CCSER1: variants seen among roughly 807,000 people sequenced by gnomAD.
The protein encoded by CCSER1 is coiled-coil serine rich protein 1.
A neutral mutation model predicts 82.0 loss-of-function variants in CCSER1; 41 were observed. The ratio of observed to expected loss-of-function variants is 0.50; its 90% CI spans 0.39 to 0.65. The LOEUF is 0.65. Among genes scored for constraint, CCSER1 ranks in the 30% least tolerant of loss-of-function variants. CCSER1 has a pLI of 0.00. For missense variants in CCSER1, 1,119 were observed against 1,064.2 expected (o/e 1.05, Z -0.72); for synonymous variants, 414 against 383.9 (o/e 1.08, Z -0.92).
intron 10 of CCSER1, among the ~76,000 whole-genome samples, chr4:91,136,144 C>T (rs1387706601): frequency 1.3e-5 from 2 of 152,252 alleles, no homozygotes; most frequent in Middle Eastern, 3.4e-3. Flanking sequence ...GTCCCTGAAC[C>T]TTCCAGTCCA....
intron 10 of CCSER1, among the ~76,000 whole-genome samples, chr4:91,327,858 C>T (rs7340864): frequency 0.77 from 116,524 of 152,092 alleles, 45,115 homozygotes; most frequent in East Asian, 0.88. Context: ...TTCTCTCAAT[C>T]TCAAAGTTCC....
At chr4:90,538,713 G>C (rs982438509) in intron 5 of CCSER1, among the ~76,000 whole-genome samples, 22 of 151,916 alleles carry the variant, frequency 1.4e-4, no homozygotes, top group African/African-American at 2.4e-5. Flanking sequence ...TTATTTGCTT[G>C]TTCTGTAATT....
At chr4:91,234,718 T>G (rs1008676617) in intron 10 of CCSER1, among the ~76,000 whole-genome samples, 1 of 152,146 alleles carries the variant, frequency 6.6e-6, no homozygotes, top group African/African-American at 2.4e-5. Context: ...AAATCTAATC[T>G]TTCTTCTACT....
chr4:91,489,357 T>C (rs562993497), intron 10 of CCSER1, among the ~76,000 whole-genome samples: 37 of 152,308 alleles, frequency 2.4e-4, no homozygotes, highest in Non-Finnish European at 4.3e-4. Flanking sequence ...GACAGTTCTT[T>C]TTTTGTTTCT....
intron 10 of CCSER1, among the ~76,000 whole-genome samples, chr4:91,592,736 A>C (rs2110343567): frequency 6.6e-6 from 1 of 152,130 alleles, no homozygotes; most frequent in South Asian, 2.1e-4. Flanking sequence ...TTATTTTTCT[A>C]AGTATAATAC....
At chr4:90,988,431 A>C (rs899444492) in intron 9 of CCSER1, among the ~76,000 whole-genome samples, 8 of 145,878 alleles carry the variant, frequency 5.5e-5, no homozygotes, top group African/African-American at 1.7e-4. Context: ...CATAATGTTG[A>C]TTTTTTTGTT....
chr4:90,533,268 T>C (rs1022346504), intron 5 of CCSER1, among the ~76,000 whole-genome samples: 2 of 151,944 alleles, frequency 1.3e-5, no homozygotes, highest in African/African-American at 4.8e-5. Context: ...CTTTTTTTTT[T>C]GTATTTTTAG....
intron 10 of CCSER1, among the ~76,000 whole-genome samples, chr4:91,504,918 T>C (rs1386773213): frequency 1.3e-5 from 2 of 152,176 alleles, no homozygotes; most frequent in African/African-American, 4.8e-5. Flanking sequence ...TCTTTTTACC[T>C]CTCAAATTAT....
In CCSER1 at chr4:90,208,819, C is replaced by A. The variant is rs9884675; in HGVS notation, c.-42+80988C>A. 6.4e-3 allele frequency among the ~76,000 whole-genome samples: 975 copies of A among 152,204 alleles called. 9 individuals are homozygous for A. The highest frequency in any genetic ancestry group is 0.023 in the African/African-American group (944 of 41,538). On this transcript the variant is annotated intron_variant, in intron 1 of 10. Coordinates refer to ENST00000509176, the MANE Select transcript of CCSER1 (RefSeq NM_001145065.2). Reference sequence around the variant, plus strand: ...ATGCCCTATCTTGCTTCAGCTCGCCCTCCGTGGGCTGCACCCAGTTTCTAA... The same window carrying A: ...ATGCCCTATCTTGCTTCAGCTCGCCATCCGTGGGCTGCACCCAGTTTCTAA...
chr4:91,026,953 T>A (rs1405961162), intron 9 of CCSER1, among the ~76,000 whole-genome samples: 1 of 151,930 alleles, frequency 6.6e-6, no homozygotes, highest in African/African-American at 2.4e-5. Context: ...TTAAATTCAA[T>A]GTAAAATTTT....
At chr4:90,881,432 A>G (rs911444486) in intron 8 of CCSER1, among the ~76,000 whole-genome samples, 2 of 152,296 alleles carry the variant, frequency 1.3e-5, no homozygotes, top group East Asian at 3.9e-4. Flanking sequence ...AGATAACTCC[A>G]AGACCTTTTG....
At chr4:91,445,205 T>G (rs1048573397) in intron 10 of CCSER1, among the ~76,000 whole-genome samples, 1 of 152,178 alleles carries the variant, frequency 6.6e-6, no homozygotes, top group Non-Finnish European at 1.5e-5. Flanking sequence ...TTTTCTTGCC[T>G]GCTGCTGTGC....
chr4:90,985,823 A>G (rs1301979823), intron 9 of CCSER1, among the ~76,000 whole-genome samples: 2 of 151,746 alleles, frequency 1.3e-5, no homozygotes, highest in Non-Finnish European at 2.9e-5. Context: ...AAGAAACAGA[A>G]TGACTTGTTC....
chr4:90,576,906 T>A (rs952945367), intron 5 of CCSER1, among the ~76,000 whole-genome samples: 1 of 152,146 alleles, frequency 6.6e-6, no homozygotes, highest in African/African-American at 2.4e-5. Flanking sequence ...AATTGCTAGA[T>A]CATATAGTAA....
intron 7 of CCSER1, among the ~76,000 whole-genome samples, chr4:90,743,304 T>C (rs765813114): frequency 2.8e-5 from 2 of 71,564 alleles, no homozygotes; most frequent in Non-Finnish European, 5.3e-5. Flanking sequence ...GATTAAATTA[T>C]AACTAATAGC....
chr4:90,365,571 G>A (rs191997457), intron 3 of CCSER1, among the ~76,000 whole-genome samples: 2 of 151,802 alleles, frequency 1.3e-5, no homozygotes, highest in South Asian at 2.1e-4. Flanking sequence ...TGCTTTGTAG[G>A]CTCCTATTTG....
chr4:90,982,541 T>C (rs1736212096), intron 9 of CCSER1, among the ~76,000 whole-genome samples: 1 of 151,732 alleles, frequency 6.6e-6, no homozygotes, highest in Admixed American at 6.6e-5. Context: ...AGATATTATA[T>C]AGAATGCTAG....
At chr4:90,164,597 A>T (rs1363947627) in intron 1 of CCSER1, among the ~76,000 whole-genome samples, 1 of 152,116 alleles carries the variant, frequency 6.6e-6, no homozygotes, top group South Asian at 2.1e-4. Flanking sequence ...AAAAGAATAG[A>T]TCCATAAAAA....
chr4:91,293,866 A>T (rs1278997484), intron 10 of CCSER1, among the ~76,000 whole-genome samples: 9 of 151,972 alleles, frequency 5.9e-5, no homozygotes, highest in African/African-American at 1.9e-4. Flanking sequence ...TAAAAATTAC[A>T]TTATATTTGT....
Sources: gnomAD v4.1 joint callset for allele counts (sites outside exome capture counted in the v4.1 genomes callset) on GRCh38, gnomAD v4.1.1 for gene constraint, MANE v1.5 for transcripts, NCBI Gene and HGNC (gene_info 2026-07-23, HGNC 2026-07-21) for gene names.